Variants in TSPAN3 observed in about 807,000 individuals in gnomAD.
The protein encoded by TSPAN3 is tetraspanin 3.
In TSPAN3, 9 loss-of-function variants were observed where a neutral mutation model predicts 31.1. That is an observed-to-expected ratio of 0.29 (90% CI 0.17 to 0.50). The LOEUF (loss-of-function observed/expected upper bound fraction) is 0.50. Among genes scored for constraint, TSPAN3 ranks in the 20% least tolerant of loss-of-function variants. TSPAN3 has a pLI of 0.98. For missense variants in TSPAN3, 252 were observed against 313.5 expected (o/e 0.80, Z 1.48); for synonymous variants, 129 against 114.3 (o/e 1.13, Z -0.82).
At position 77,047,273 on chromosome 15, in the gene TSPAN3, C is replaced by G. The variant is rs1049067839; in HGVS notation, c.670-346G>C. On this transcript the variant is annotated intron_variant, in intron 6 of 6. Coordinates refer to ENST00000267970, the MANE Select transcript of TSPAN3 (RefSeq NM_005724.6). ...ACTGTCATGTGGCCTCATGTGACTA[C>G]TGAGCACCTGAAATATAGTTACTGC... is the stretch of plus-strand genomic sequence containing the variant. Among the ~76,000 whole-genome samples the G allele has an allele frequency of 2.0e-4, 30 of 152,208 alleles. 1 individual carries two copies. Among genetic ancestry groups the G allele is most frequent in the African/African-American group, 7.2e-4 (30 of 41,438 alleles).
Position 77,049,300 on chromosome 15 carries a change from G to GA in TSPAN3, c.670-2374dup, listed in dbSNP as rs199720169. 4.4e-3 allele frequency among the ~76,000 whole-genome samples: 663 copies of GA among 152,144 alleles called. 5 individuals are homozygous for GA. The highest frequency in any genetic ancestry group is 0.015 in the African/African-American group (631 of 41,514). On this transcript the variant is annotated intron_variant, in intron 6 of 6. Coordinates refer to ENST00000267970, the MANE Select transcript of TSPAN3 (RefSeq NM_005724.6). ...GGCTTCACATGCGGCACAGAGACCA[G>GA]AAAAAAAGCAACATGGCCTTGGGAA...
At chr15:77,065,588 G>A (rs1054473098) in intron 1 of TSPAN3, among the ~76,000 whole-genome samples, 1 of 152,074 alleles carries the variant, frequency 6.6e-6, no homozygotes, top group Non-Finnish European at 1.5e-5. Context: ...CACCACATCT[G>A]GCTAATTTTT....
At chr15:77,066,852 G>T (rs2152698017) in intron 1 of TSPAN3, among the ~76,000 whole-genome samples, 1 of 152,176 alleles carries the variant, frequency 6.6e-6, no homozygotes, top group East Asian at 1.9e-4. Context: ...CCTGAAACTG[G>T]GTAATTTAAG....
Position 77,042,419 on chromosome 15 carries a change from C to G in TSPAN3, c.*4416G>C, listed in dbSNP as rs1011920962. ...GGGACCAGGGCTCCTGGGACAAACA[C>G]TGATCCATGGCTGGTGCCCAGGGGC... On this transcript the variant is annotated 3_prime_UTR_variant, in exon 7 of 7. Transcript: ENST00000267970. 1 of 152,224 alleles carries G rather than the reference C, an allele frequency of 6.6e-6. No homozygotes were observed. Among genetic ancestry groups the G allele is most frequent in the South Asian group, 2.1e-4 (1 of 4,834 alleles). The allele number at this position is 152,224 out of a possible 1,614,324, so 9.4% of individuals were successfully genotyped here. A position where few individuals can be genotyped will look rare whatever the true frequency, so the allele number is the denominator to read the frequency against.
At chr15:77,066,259 T>C (rs773584591) in intron 1 of TSPAN3, among the ~76,000 whole-genome samples, 3 of 152,244 alleles carry the variant, frequency 2.0e-5, no homozygotes, top group Non-Finnish European at 2.9e-5. Flanking sequence ...GTTTACAGAA[T>C]AGGCTAATGC....
chr15:77,046,880 T>G lies in TSPAN3; in HGVS notation c.717A>C (p.Arg239Ser). 1 of 1,593,666 alleles carries G rather than the reference T, an allele frequency of 6.3e-7. No individual in the cohort carries two copies. Residue 239 changes from arginine to serine, a missense_variant, in exon 7 of 7, where the codon AGA becomes AGC. Transcript: ENST00000267970. ...CACIVLCRRS[R>S]DPAYELLITG... is the part of the protein sequence containing the mutation. ...TGATGAGGAGCTCGTAAGCAGGATC[T>G]CTACTCCTTCTGCACAACACGATGC... is the stretch of plus-strand genomic sequence containing the variant.
Position 77,052,770 on chromosome 15 carries a change from G to C in TSPAN3, c.585+7C>G. 2 of 1,611,720 alleles carry C rather than the reference G, an allele frequency of 1.2e-6. No homozygotes were observed. Among genetic ancestry groups the C allele is most frequent in the Non-Finnish European group, 1.7e-6 (2 of 1,178,014 alleles). On this transcript the variant is annotated splice_region_variant and intron_variant, in intron 5 of 6. Coordinates refer to ENST00000267970, the MANE Select transcript of TSPAN3 (RefSeq NM_005724.6). Reference sequence around the variant, plus strand: ...AGCTAGACTCAAGTCGTGGCCAAGAGACTCACCTCAGCATAGAGGTCGGAA... The same window carrying C: ...AGCTAGACTCAAGTCGTGGCCAAGACACTCACCTCAGCATAGAGGTCGGAA...
chr15:77,051,196 G>C (rs1180794152), intron 6 of TSPAN3, among the ~76,000 whole-genome samples: 1 of 151,884 alleles, frequency 6.6e-6, no homozygotes, highest in Non-Finnish European at 1.5e-5. Flanking sequence ...ATCACACCTG[G>C]CTCTTTTAGC....
At chr15:77,066,571 CAAAAAAAAAAAAAAAA>C (rs35737479) in intron 1 of TSPAN3, among the ~76,000 whole-genome samples, 2 of 59,354 alleles carry the variant, frequency 3.4e-5, no homozygotes, top group African/African-American at 1.5e-4. Flanking sequence ...GACTTCGTCT[CAAAAAAAAAAAAAAAA>C]AAAAAAAAAA....
chr15:77,057,776 C>T (rs1283722255), intron 1 of TSPAN3, among the ~76,000 whole-genome samples: 1 of 152,122 alleles, frequency 6.6e-6, no homozygotes, highest in East Asian at 1.9e-4. Flanking sequence ...TCTCTGGGCT[C>T]TCCGTGGGCT....
At chr15:77,054,667 T>A (rs2076756229) in intron 3 of TSPAN3, 2 of 154,610 alleles carry the variant, frequency 1.3e-5, no homozygotes, top group Non-Finnish European at 2.9e-5. Context: ...ACAAAGTAAC[T>A]CTGAAGCTCC....
intron 6 of TSPAN3, among the ~76,000 whole-genome samples, chr15:77,048,172 A>C (rs2076706598): frequency 6.6e-6 from 1 of 152,248 alleles, no homozygotes; most frequent in African/African-American, 2.4e-5. Flanking sequence ...AAAGTTTACT[A>C]AACAATTTAA....
At chr15:77,050,463 T>G (rs780074936) in intron 6 of TSPAN3, among the ~76,000 whole-genome samples, 11 of 152,188 alleles carry the variant, frequency 7.2e-5, no homozygotes, top group Non-Finnish European at 1.5e-4. Flanking sequence ...GTTAAAATAT[T>G]TATTAGCCCC....
At chr15:77,062,753 A>T (rs886890050) in intron 1 of TSPAN3, among the ~76,000 whole-genome samples, 2 of 152,262 alleles carry the variant, frequency 1.3e-5, no homozygotes, top group African/African-American at 4.8e-5. Flanking sequence ...AAGGTAATTC[A>T]TCGAGATGTT....
At chr15:77,063,153 A>G (rs756324775) in intron 1 of TSPAN3, among the ~76,000 whole-genome samples, 7 of 152,218 alleles carry the variant, frequency 4.6e-5, no homozygotes, top group African/African-American at 7.2e-5. Flanking sequence ...TATTTTAGGC[A>G]CCTCTGCCAA....
At chr15:77,067,172 T>G (rs34443712) in intron 1 of TSPAN3, among the ~76,000 whole-genome samples, 96,017 of 152,034 alleles carry the variant, frequency 0.63, 30,704 homozygotes, top group Middle Eastern at 0.75. Flanking sequence ...ATGAGTTTTA[T>G]AAAGGACAAA....
At chr15:77,056,310 A>G (rs1160495925) in intron 1 of TSPAN3, 55 bp from the exon 2 acceptor site, 21 of 1,394,488 alleles carry the variant, frequency 1.5e-5, no homozygotes, top group Non-Finnish European at 1.9e-5. Context: ...AAAATTTCCT[A>G]TTATTGCTTA....
chr15:77,058,613 C>T (rs899057256), intron 1 of TSPAN3, among the ~76,000 whole-genome samples: 9 of 152,182 alleles, frequency 5.9e-5, no homozygotes, highest in African/African-American at 1.9e-4. Context: ...CTTGAGAGCA[C>T]GAATTGTACC....
chr15:77,055,730 T>C (rs968916359), intron 3 of TSPAN3, 59 bp downstream of exon 3: 98 of 1,323,208 alleles, frequency 7.4e-5, no homozygotes, highest in Non-Finnish European at 9.7e-5. Flanking sequence ...TGTTCTATTT[T>C]ACTTGAAACA....
Sources: allele counts gnomAD v4.1 joint callset (sites outside exome capture counted in the v4.1 genomes callset), GRCh38; gene constraint gnomAD v4.1.1; transcripts MANE v1.5; gene names NCBI Gene and HGNC (gene_info 2026-07-23, HGNC 2026-07-21).